The following KIAA0825 variants were observed in gnomAD, a reference collection of about 807,000 sequenced individuals.
The protein encoded by KIAA0825 is KIAA0825.
KIAA0825 carries 119 observed loss-of-function variants against 147.6 expected under a neutral mutation model. The observed-to-expected ratio is 0.81, with a 90% CI of 0.69 to 0.94. KIAA0825 has a LOEUF of 0.94. KIAA0825 is among the 40% of genes least tolerant of loss of function. The pLI is 0.00. For synonymous variants in KIAA0825, 470 were observed against 518.1 expected (o/e 0.91, Z 1.26); for missense variants, 1,381 against 1,472.7 (o/e 0.94, Z 1.02).
chr5:94,155,812 TAAC>T (rs1766990264), intron 20 of KIAA0825, among the ~76,000 whole-genome samples: 1 of 152,176 alleles, frequency 6.6e-6, no homozygotes, highest in Non-Finnish European at 1.5e-5. Flanking sequence ...CAGGTTTTAA[TAAC>T]AACATGAATG....
rs1035772726 is a variant in KIAA0825 at position 94,522,777 on chromosome 5, T to C, written c.300+1153A>G. Among the ~76,000 whole-genome samples the C allele has an allele frequency of 4.6e-5, 7 of 151,772 alleles. No homozygotes were observed. In the East Asian group the frequency reaches 7.7e-4, roughly 17 times the overall value. On this transcript the variant is annotated intron_variant, in intron 4 of 20. Coordinates refer to ENST00000682413, the MANE Select transcript of KIAA0825 (RefSeq NM_001145678.3). ...TAGGACTGGGACAAGCCTATCAGTCTAATGAATTTGAGCAAAACTAAGGCG... is the reference window on the plus strand; with the variant it reads ...TAGGACTGGGACAAGCCTATCAGTCCAATGAATTTGAGCAAAACTAAGGCG...
At chr5:94,584,314 A>T (rs796961109) in intron 1 of KIAA0825, among the ~76,000 whole-genome samples, 4 of 152,322 alleles carry the variant, frequency 2.6e-5, no homozygotes, top group African/African-American at 9.6e-5. Flanking sequence ...CGAATGGCTA[A>T]CTACAATAAC....
intron 5 of KIAA0825, among the ~76,000 whole-genome samples, chr5:94,514,586 T>C (rs1000069930): frequency 6.6e-6 from 1 of 152,220 alleles, no homozygotes; most frequent in East Asian, 1.9e-4. Context: ...TTGGGAGAGC[T>C]ACTTAACTTG....
At chr5:94,358,093 T>G (rs1039028137) in intron 20 of KIAA0825, among the ~76,000 whole-genome samples, 1 of 152,228 alleles carries the variant, frequency 6.6e-6, no homozygotes. Flanking sequence ...TTAGTTTTTA[T>G]TATCTATAAA....
intron 20 of KIAA0825, among the ~76,000 whole-genome samples, chr5:94,164,061 T>A (rs139398692): frequency 6.6e-6 from 1 of 152,336 alleles, no homozygotes; most frequent in African/African-American, 2.4e-5. Flanking sequence ...AGAACAGAGT[T>A]TTGCCATATG....
chr5:94,381,224 C>G (rs1362112173), intron 20 of KIAA0825, among the ~76,000 whole-genome samples: 1 of 152,190 alleles, frequency 6.6e-6, no homozygotes, highest in East Asian at 1.9e-4. Flanking sequence ...CAACTTCCTA[C>G]TAATCCTTAA....
intron 2 of KIAA0825, among the ~76,000 whole-genome samples, chr5:94,565,699 A>C (rs1251217060): frequency 2.0e-5 from 3 of 152,170 alleles, no homozygotes; most frequent in Non-Finnish European, 2.9e-5. Context: ...AATCAGAAGA[A>C]GGTAGTTTGT....
At chr5:94,389,187 G>A (rs564428003) in intron 18 of KIAA0825, among the ~76,000 whole-genome samples, 1 of 152,332 alleles carries the variant, frequency 6.6e-6, no homozygotes, top group South Asian at 2.1e-4. Flanking sequence ...ACAGGGGATT[G>A]AGGCCCTTTG....
chr5:94,460,528 G>A (rs929023104), intron 12 of KIAA0825, among the ~76,000 whole-genome samples: 96 of 152,160 alleles, frequency 6.3e-4, no homozygotes, highest in African/African-American at 2.3e-3. Context: ...AGTGACAAAT[G>A]TCAGATACAG....
At chr5:94,482,254 T>TA (rs1338507855) in intron 6 of KIAA0825, among the ~76,000 whole-genome samples, 20 of 152,148 alleles carry the variant, frequency 1.3e-4, no homozygotes. Context: ...AACATCAAAG[T>TA]AAAAAGTAAA....
At chr5:94,580,396 T>C (rs1188270792) in intron 2 of KIAA0825, among the ~76,000 whole-genome samples, 2 of 152,206 alleles carry the variant, frequency 1.3e-5, no homozygotes, top group Admixed American at 1.3e-4. Flanking sequence ...TTTACTTTTC[T>C]AAATTAAAAC....
intron 20 of KIAA0825, among the ~76,000 whole-genome samples, chr5:94,302,448 G>A (rs1299386749): frequency 6.6e-6 from 1 of 151,916 alleles, no homozygotes; most frequent in Non-Finnish European, 1.5e-5. Flanking sequence ...TTTAACACGG[G>A]GTATTGATGA....
At chr5:94,181,715 A>G (rs1158160357) in intron 20 of KIAA0825, among the ~76,000 whole-genome samples, 1 of 152,234 alleles carries the variant, frequency 6.6e-6, no homozygotes, top group African/African-American at 2.4e-5. Flanking sequence ...GAGAATAAAC[A>G]GCATATTCTA....
intron 16 of KIAA0825, among the ~76,000 whole-genome samples, chr5:94,402,171 C>T (rs1050129972): frequency 6.6e-6 from 1 of 152,080 alleles, no homozygotes; most frequent in African/African-American, 2.4e-5. Context: ...GTAAGGAAAA[C>T]TTTAACAACT....
At chr5:94,552,980 T>C (rs1476962797) in intron 2 of KIAA0825, among the ~76,000 whole-genome samples, 3 of 152,188 alleles carry the variant, frequency 2.0e-5, no homozygotes, top group South Asian at 2.1e-4. Context: ...GTTAATAATA[T>C]ACTATATATT....
chr5:94,451,628 G>A (rs1256029475), intron 13 of KIAA0825, among the ~76,000 whole-genome samples: 2 of 152,156 alleles, frequency 1.3e-5, no homozygotes, highest in African/African-American at 2.4e-5. Context: ...AGAGAAAGAA[G>A]TTAATATAAG....
At chr5:94,383,852 T>A (rs999267978) in intron 20 of KIAA0825, among the ~76,000 whole-genome samples, 9 of 151,712 alleles carry the variant, frequency 5.9e-5, no homozygotes, top group African/African-American at 2.2e-4. Context: ...TATGCTACTG[T>A]GGCTATATTA....
chr5:94,178,398 T>A (rs982107691), intron 20 of KIAA0825, among the ~76,000 whole-genome samples: 2 of 151,990 alleles, frequency 1.3e-5, no homozygotes, highest in South Asian at 4.1e-4. Context: ...GAGTTCTGGC[T>A]TTACTATTAA....
intron 20 of KIAA0825, among the ~76,000 whole-genome samples, chr5:94,308,625 G>A (rs1778894865): frequency 6.6e-6 from 1 of 151,734 alleles, no homozygotes; most frequent in Non-Finnish European, 1.5e-5. Flanking sequence ...TTTAAAATGA[G>A]ATTGTTGATG....
Sources: gnomAD v4.1 joint callset for allele counts (sites outside exome capture counted in the v4.1 genomes callset) on GRCh38, gnomAD v4.1.1 for gene constraint, MANE v1.5 for transcripts, NCBI Gene and HGNC (gene_info 2026-07-23, HGNC 2026-07-21) for gene names.